The following TMEM235 variants were observed in gnomAD, a reference collection of about 807,000 sequenced individuals.
TMEM235 encodes transmembrane protein 235, also known as claudin-27.
A neutral mutation model predicts 22.9 loss-of-function variants in TMEM235; 23 were observed. The ratio of observed to expected loss-of-function variants is 1.00; its 90% CI spans 0.72 to 1.42. The LOEUF (loss-of-function observed/expected upper bound fraction) is 1.42. Ranked by LOEUF, TMEM235 falls within the 40% of genes most tolerant of loss-of-function variation. The pLI is 0.00. For missense variants in TMEM235, 308 were observed against 299.5 expected, an observed-to-expected ratio of 1.03 and a Z score of -0.21; for synonymous variants, 137 against 140.5, an observed-to-expected ratio of 0.98 and a Z score of 0.17.
In TMEM235 at chr17:78,233,890, C is replaced by T; in HGVS notation, c.191-5C>T. ...GCCCCAGGCTTCGAGGCCTATGTTT[C>T]CCAGGGCAGAACGGCTGCATCCCGC... On this transcript the variant is annotated splice_region_variant and splice_polypyrimidine_tract_variant and intron_variant, in intron 2 of 5. Coordinates refer to ENST00000421688, the Ensembl canonical transcript of TMEM235. 1 of 1,535,922 alleles carries T rather than the reference C, an allele frequency of 6.5e-7. No homozygotes were observed. The highest frequency in any genetic ancestry group is 8.7e-7 in the Non-Finnish European group (1 of 1,146,844).
At chr17:78,240,105 G>A (rs147426172) in exon 6 of TMEM235, 17,906 of 1,365,242 alleles carry the variant, frequency 0.013, 175 homozygotes, top group South Asian at 0.026. Context: ...TGCTGCTTCC[G>A]GCCCCCGACC....
rs771091755 is a variant in TMEM235, at chr17:78,239,902, C to G, written c.*110C>G. 8.5e-4 allele frequency: 1,322 copies of G among 1,551,346 alleles called. 2 individuals carry two copies. Among genetic ancestry groups the G allele is most frequent in the Non-Finnish European group, 1.0e-3 (1,197 of 1,146,866 alleles). ...CTGTCCACTCTCCCCGAAGGGCAGGCTTGGTGGAGAAGAGGCTGATGAGAG... is the reference window on the plus strand; with the variant it reads ...CTGTCCACTCTCCCCGAAGGGCAGGGTTGGTGGAGAAGAGGCTGATGAGAG... On this transcript the variant is annotated 3_prime_UTR_variant, in exon 6 of 6. Coordinates refer to ENST00000421688, the Ensembl canonical transcript of TMEM235.
exon 5 of TMEM235, chr17:78,239,118 G>A (rs752939818): frequency 1.9e-6 from 3 of 1,543,726 alleles, no homozygotes; most frequent in Non-Finnish European, 2.6e-6. Context: ...AGCACATGCA[G>A]GGCGTCCGCG....
In TMEM235 at chr17:78,237,448, C is replaced by T. The variant is rs1050510840; in HGVS notation, c.410-1576C>T. On this transcript the variant is annotated intron_variant, in intron 4 of 5. Coordinates refer to ENST00000421688, the Ensembl canonical transcript of TMEM235. The surrounding 1 kb of genome is among the most constrained non-coding windows in gnomAD (Gnocchi z 4.7). ...TTTAGGAGGTCTGCCAGGAGCTGAG[C>T]CTGGGCCCCATCACCAGGGATTTGG... Among the ~76,000 whole-genome samples, 1 of 152,152 alleles carries T rather than the reference C, an allele frequency of 6.6e-6. No individual in the cohort carries two copies. Among genetic ancestry groups the T allele is most frequent in the Non-Finnish European group, 1.5e-5 (1 of 68,002 alleles).
At chr17:78,231,838 T>A (rs1176881910) in exon 2 of TMEM235, 1 of 1,193,510 alleles carries the variant, frequency 8.4e-7, no homozygotes, top group Non-Finnish European at 1.1e-6. Flanking sequence ...AGAGGTGGGG[T>A]CGATCTCCCT....
exon 5 of TMEM235, chr17:78,239,164 T>C (rs2076680632): frequency 6.5e-7 from 1 of 1,542,886 alleles, no homozygotes. Flanking sequence ...GGCCTGGGGC[T>C]CCTGTGCCTT....
intron 1 of TMEM235, chr17:78,231,376 G>T: frequency 8.0e-7 from 1 of 1,248,490 alleles, no homozygotes; most frequent in South Asian, 1.4e-5. Flanking sequence ...CGGCCTTGCT[G>T]GAGGGGGCAT....
At chr17:78,239,753 A>G (rs1336761858) in intron 5 of TMEM235, 27 bp from the exon 5 acceptor site, 9 of 1,527,938 alleles carry the variant, frequency 5.9e-6, no homozygotes, top group Non-Finnish European at 5.3e-6. Flanking sequence ...GGCCCTACTC[A>G]ATGACTACCC....
chr17:78,234,794 G>T, intron 4 of TMEM235, 64 bp downstream of exon 3: 1 of 1,527,884 alleles, frequency 6.5e-7, no homozygotes, highest in South Asian at 1.2e-5. Flanking sequence ...TCCCGGGAGT[G>T]GGGTGCTGCC....
At chr17:78,231,305 C>A, upstream of TMEM235, 1 of 964,438 alleles carries the variant, frequency 1.0e-6, no homozygotes, top group Non-Finnish European at 1.4e-6. Context: ...TGGCACCCCA[C>A]GCCTGTCCTA....
At chr17:78,240,106 GC>G in exon 6 of TMEM235, 2 of 1,357,252 alleles carry the variant, frequency 1.5e-6, no homozygotes, top group Non-Finnish European at 1.9e-6. Context: ...GCTGCTTCCG[GC>G]CCCCGACCCT....
chr17:78,235,599 G>GTT (rs71160277), intron 4 of TMEM235, among the ~76,000 whole-genome samples: 14,377 of 118,758 alleles, frequency 0.12, 1,403 homozygotes, highest in East Asian at 0.31. Flanking sequence ...GTGCTACATA[G>GTT]TTTTTTTTTT....
At chr17:78,240,137 G>C (rs2081105769) in exon 6 of TMEM235, 2 of 1,199,230 alleles carry the variant, frequency 1.7e-6, no homozygotes, top group Non-Finnish European at 2.2e-6. Context: ...CAGCAACCCG[G>C]GGGAGGTATG....
exon 2 of TMEM235, chr17:78,231,588 T>C (rs1446486574): frequency 1.5e-6 from 2 of 1,303,536 alleles, no homozygotes; most frequent in Non-Finnish European, 2.0e-6. Context: ...TGGCCGGCCA[T>C]CCTCCTGGGG....
chr17:78,234,054 C>T (rs1429369138), intron 3 of TMEM235, 79 bp downstream of exon 2: 1 of 1,259,870 alleles, frequency 7.9e-7, no homozygotes. Context: ...CCATCCCCAT[C>T]CCGCAGCACT....
rs190996807 is a variant in TMEM235 at position 78,233,026 on chromosome 17, T to G, written c.190+813T>G. Among the ~76,000 whole-genome samples, 686 of 152,266 alleles carry G rather than the reference T, an allele frequency of 4.5e-3. 5 individuals are homozygous for G. The highest frequency in any genetic ancestry group is 0.015 in the African/African-American group (616 of 41,562). On this transcript the variant is annotated intron_variant, in intron 2 of 5. Coordinates refer to ENST00000421688, the Ensembl canonical transcript of TMEM235. The stretch of plus-strand genomic sequence containing the variant: ...GTATATGAGTGAGTGCATGTGTGGG[T>G]GGTGCACATGTGCTGGTGGCTTCCT...
At chr17:78,234,811 G>A in intron 4 of TMEM235, 81 bp downstream of exon 3, 2 of 1,506,858 alleles carry the variant, frequency 1.3e-6, no homozygotes. Flanking sequence ...TGCCTCTCCT[G>A]TTGCCCTCGT....
intron 3 of TMEM235, 77 bp downstream of exon 2, chr17:78,234,052 A>C: frequency 7.8e-7 from 1 of 1,282,188 alleles, no homozygotes; most frequent in Non-Finnish European, 1.1e-6. Flanking sequence ...CCCCATCCCC[A>C]TCCCGCAGCA....
In TMEM235 at chr17:78,231,430, A is replaced by G. The variant is rs1322898397; in HGVS notation, c.-592-2A>G. 2.3e-6 allele frequency: 3 copies of G among 1,292,018 alleles called. No individual in the cohort carries two copies. The highest frequency in any genetic ancestry group is 3.1e-6 in the Non-Finnish European group (3 of 983,490). 80.0% of individuals were successfully genotyped at this position (1,292,018 alleles called of 1,614,324 possible). A position where few individuals can be genotyped will look rare whatever the true frequency, so the allele number is the denominator to read the frequency against. ...CCAAAACAAGGTTTTTTCCTTCCGCAGCCCCCCGCCCGGCTGTGGGGCCCA... is the reference window on the plus strand; with the variant it reads ...CCAAAACAAGGTTTTTTCCTTCCGCGGCCCCCCGCCCGGCTGTGGGGCCCA... On this transcript the variant is annotated splice_acceptor_variant, in intron 1 of 5. Coordinates refer to ENST00000421688, the Ensembl canonical transcript of TMEM235. LOFTEE classifies it low-confidence loss of function (5UTR_SPLICE).
Sources: gnomAD v4.1 joint callset for allele counts (sites outside exome capture counted in the v4.1 genomes callset) on GRCh38, gnomAD v4.1.1 for gene constraint, Gnocchi (gnomAD v3.1) non-coding constraint, MANE v1.5 for transcripts, NCBI Gene and HGNC (gene_info 2026-07-23, HGNC 2026-07-21) for gene names.